Variants in TTLL8 observed in about 807,000 individuals in gnomAD.
TTLL8 encodes protein monoglycylase TTLL8.
Under a neutral mutation model 77.8 loss-of-function variants are expected in TTLL8, and 65 were observed. The ratio of observed to expected loss-of-function variants is 0.84; its 90% CI spans 0.68 to 1.03. The LOEUF (loss-of-function observed/expected upper bound fraction) is 1.03. Among genes scored for constraint, TTLL8 ranks in the 50% least tolerant of loss-of-function variants. TTLL8 has a pLI of 0.00. For synonymous variants in TTLL8, 402 were observed against 422.8 expected (o/e 0.95, Z 0.60); for missense variants, 910 against 1,004.5 (o/e 0.91, Z 1.27).
chr22:50,057,823 G>C (rs192608133), upstream of TTLL8, among the ~76,000 whole-genome samples: 6 of 151,680 alleles, frequency 4.0e-5, no homozygotes, highest in African/African-American at 1.5e-4. Flanking sequence ...GAGAGGTATG[G>C]GGTTCTGAAG....
exon 10 of TTLL8, chr22:50,033,288 C>A: frequency 7.3e-7 from 1 of 1,363,230 alleles, no homozygotes; most frequent in South Asian, 1.1e-5. Context: ...GGTTCCAGTC[C>A]GTGACGAGGA....
chr22:50,025,270 G>A (rs2061224772), intron 12 of TTLL8, among the ~76,000 whole-genome samples: 3 of 88,658 alleles, frequency 3.4e-5, no homozygotes, highest in Non-Finnish European at 4.8e-5. Flanking sequence ...AAACAAATTA[G>A]CAAAAACTCC....
chr22:50,028,327 C>T (rs756606413), intron 12 of TTLL8, among the ~76,000 whole-genome samples: 5 of 152,246 alleles, frequency 3.3e-5, no homozygotes, highest in East Asian at 1.9e-4. Context: ...ACATTGCTTA[C>T]GGCAACACTG....
At chr22:50,048,734 A>C (rs1222300370) in intron 3 of TTLL8, among the ~76,000 whole-genome samples, 1 of 152,196 alleles carries the variant, frequency 6.6e-6, no homozygotes, top group Non-Finnish European at 1.5e-5. Context: ...TATATTCTGG[A>C]CATTTGATCT....
chr22:50,033,470 A>G (rs1170153004), intron 9 of TTLL8, 25 bp from the exon 11 acceptor site: 1 of 1,348,740 alleles, frequency 7.4e-7, no homozygotes. Flanking sequence ...CGCTCAACCC[A>G]GCATGCACAG....
At chr22:50,047,759 G>A (rs897495701) in intron 3 of TTLL8, among the ~76,000 whole-genome samples, 5 of 152,190 alleles carry the variant, frequency 3.3e-5, no homozygotes, top group Non-Finnish European at 7.3e-5. Context: ...CTGGGGGCCT[G>A]TTGTTGGTGC....
At chr22:50,033,288 C>T (rs1010034065) in exon 10 of TTLL8, 11 of 1,363,230 alleles carry the variant, frequency 8.1e-6, no homozygotes, top group South Asian at 1.1e-5. Flanking sequence ...GGTTCCAGTC[C>T]GTGACGAGGA....
rs899719600 is a variant in TTLL8, at chr22:50,022,085, T to A, written c.2204-5523A>T. Among the ~76,000 whole-genome samples, 6 of 149,820 alleles carry A rather than the reference T, an allele frequency of 4.0e-5. No individual in the cohort carries two copies. The East Asian group carries it at 1.2e-3, about 30-fold the overall frequency. On this transcript the variant is annotated intron_variant, in intron 12 of 13. Coordinates refer to ENST00000266182, the Ensembl canonical transcript of TTLL8. ...TACTCCTCCATCTGACGACATGCACTCCTCCATCTGACGTGCACTCCTCCA... is the reference window on the plus strand; with the variant it reads ...TACTCCTCCATCTGACGACATGCACACCTCCATCTGACGTGCACTCCTCCA...
Position 50,050,944 on chromosome 22 carries a change from G to A in TTLL8, c.52-697C>T, listed in dbSNP as rs371767946. Among the ~76,000 whole-genome samples, 150 of 152,294 alleles carry A rather than the reference G, an allele frequency of 9.8e-4. 1 individual carries two copies. Among genetic ancestry groups the A allele is most frequent in the Middle Eastern group, 6.8e-3 (2 of 294 alleles). On this transcript the variant is annotated intron_variant, in intron 1 of 13. Coordinates refer to ENST00000266182, the Ensembl canonical transcript of TTLL8. ...CGCGAGTCTGCTGACACTCCCGGCC[G>A]AATGAAAACCTCTTCCTTCTTTAAT...
intron 12 of TTLL8, among the ~76,000 whole-genome samples, chr22:50,020,465 A>AGATGATGTGTACTCCTCCATCT (rs1294280700): frequency 7.2e-6 from 1 of 138,962 alleles, no homozygotes; most frequent in African/African-American, 2.8e-5. Flanking sequence ...CTCCTCCATC[A>AGATGATGTGTACTCCTCCATCT]GATGATGTGT....
At chr22:50,049,148 G>A in intron 3 of TTLL8, 101 bp downstream of exon 5, 1 of 1,333,776 alleles carries the variant, frequency 7.5e-7, no homozygotes, top group Non-Finnish European at 9.9e-7. Context: ...TCGCCGGGCT[G>A]CCATCCCCCC....
chr22:50,041,205 G>T lies in TTLL8; in HGVS notation c.903C>A (p.Pro301=), dbSNP rs777003776. Residue 301 remains proline, a synonymous_variant, in exon 8 of 14, where the codon CCC becomes CCA. Coordinates refer to ENST00000266182, the Ensembl canonical transcript of TTLL8. This position sits in a 1 kb window ranked among gnomAD's most constrained non-coding sequence, Gnocchi z 4.3. ...ACCCCACCTGCCTGTCTCGGGCTGT[G>T]GGGGGCTCAAATGACATCATAACCT... is the stretch of plus-strand genomic sequence containing the variant. 1.3e-5 allele frequency: 6 copies of T among 461,578 alleles called. No homozygotes were observed. The highest frequency in any genetic ancestry group is 8.5e-5 in the African/African-American group (4 of 46,932). The allele number at this position is 461,578 out of a possible 1,614,324, so 28.6% of individuals were successfully genotyped here. A position where few individuals can be genotyped will look rare whatever the true frequency, so the allele number is the denominator to read the frequency against.
At chr22:50,047,493 T>C (rs1174680266) in intron 3 of TTLL8, among the ~76,000 whole-genome samples, 197 bp from the exon 6 acceptor site, 1 of 152,172 alleles carries the variant, frequency 6.6e-6, no homozygotes, top group African/African-American at 2.4e-5. Context: ...ACATACGGTT[T>C]CCACAGAGGG....
At chr22:50,048,960 C>G (rs977726341) in intron 3 of TTLL8, among the ~76,000 whole-genome samples, 2 of 152,232 alleles carry the variant, frequency 1.3e-5, no homozygotes, top group East Asian at 3.8e-4. Flanking sequence ...GGCCTCAGTG[C>G]CCTCAGCTTC....
At chr22:50,033,219 G>A in exon 10 of TTLL8, 1 of 1,352,744 alleles carries the variant, frequency 7.4e-7, no homozygotes, top group Non-Finnish European at 9.9e-7. Flanking sequence ...GCTTGTCCAG[G>A]GAGAAGCGCT....
chr22:50,031,851 A>G (rs1469444974), exon 11 of TTLL8: 44 of 1,367,258 alleles, frequency 3.2e-5, no homozygotes, highest in Non-Finnish European at 4.1e-5. Flanking sequence ...AGTCCCTCCC[A>G]AGGACGAAGT....
chr22:50,023,066 T>G (rs752559343), intron 12 of TTLL8, among the ~76,000 whole-genome samples: 1 of 152,166 alleles, frequency 6.6e-6, no homozygotes, highest in Non-Finnish European at 1.5e-5. Flanking sequence ...CAGGACACAG[T>G]GTCCATGTAC....
rs116347178 is a variant in TTLL8, at chr22:50,054,234, C to A, written c.51+342G>T. On this transcript the variant is annotated intron_variant, in intron 1 of 13. Coordinates refer to ENST00000266182, the Ensembl canonical transcript of TTLL8. ...GACACACCATCAAGACAAAGAAAGC[C>A]GCCTTTCCCCAGGTCACTTGCTCTT... Among the ~76,000 whole-genome samples the A allele has an allele frequency of 3.3e-3, 508 of 152,264 alleles. 3 individuals are homozygous for A. The highest frequency in any genetic ancestry group is 0.011 in the African/African-American group (471 of 41,548).
At position 50,034,268 on chromosome 22, in the gene TTLL8, A is replaced by T; in HGVS notation, c.1039+77T>A. 1.6e-6 allele frequency: 2 copies of T among 1,280,300 alleles called. No homozygotes were observed. Among genetic ancestry groups the T allele is most frequent in the Non-Finnish European group, 1.0e-6 (1 of 979,848 alleles). The allele number at this position is 1,280,300 out of a possible 1,614,324, so 79.3% of individuals were successfully genotyped here. A position where few individuals can be genotyped will look rare whatever the true frequency, so the allele number is the denominator to read the frequency against. ...TTCCCTGTGGTGCTGTGGGCCTGAA[A>T]CTGTCCCTCACTCACGGCTCCTGGC... On this transcript the variant is annotated intron_variant, in intron 9 of 13. Transcript: ENST00000266182. This position sits in a 1 kb window ranked among gnomAD's most constrained non-coding sequence, Gnocchi z 4.1.
Sources: gnomAD v4.1 joint callset for allele counts (sites outside exome capture counted in the v4.1 genomes callset) on GRCh38, gnomAD v4.1.1 for gene constraint, Gnocchi (gnomAD v3.1) non-coding constraint, MANE v1.5 for transcripts, NCBI Gene and HGNC (gene_info 2026-07-23, HGNC 2026-07-21) for gene names.